RGS3: variants seen among roughly 807,000 people sequenced by gnomAD.
RGS3 encodes the protein regulator of G protein signaling 3.
RGS3 carries 80 observed loss-of-function variants against 132.6 expected under a neutral mutation model. The ratio of observed to expected loss-of-function variants is 0.60; its 90% CI spans 0.50 to 0.73. The LOEUF (loss-of-function observed/expected upper bound fraction) is 0.73, where lower values mean the gene tolerates loss of function less well. Among genes scored for constraint, RGS3 ranks in the 30% least tolerant of loss-of-function variants. The pLI is 0.00. For missense variants in RGS3, 1,382 were observed against 1,530.8 expected (o/e 0.90, Z 1.62); for synonymous variants, 598 against 620.6 (o/e 0.96, Z 0.54).
intron 19 of RGS3, among the ~76,000 whole-genome samples, chr9:113,549,264 T>A (rs1478069009): frequency 1.3e-5 from 2 of 152,242 alleles, no homozygotes; most frequent in African/African-American, 2.4e-5. Context: ...ACAAGAACGC[T>A]GATTTCACTG....
chr9:113,567,819 C>T lies in RGS3; in HGVS notation c.2038-15631C>T, dbSNP rs78078847. ...GGGATTGGAGCTCAGCTCCCTGGAC[C>T]CTCTTGGGATGGTGCCAACCAGAGT... On this transcript the variant is annotated intron_variant, in intron 19 of 24. Coordinates refer to ENST00000350696, the Ensembl canonical transcript of RGS3. 4.8e-4 allele frequency among the ~76,000 whole-genome samples: 73 copies of T among 152,320 alleles called. 2 individuals are homozygous for T. In the East Asian group the frequency reaches 0.013, roughly 27 times the overall value.
chr9:113,564,866 G>A, intron 19 of RGS3: 1 of 947,398 alleles, frequency 1.1e-6, no homozygotes, highest in Non-Finnish European at 1.3e-6. Context: ...AGGAGCCTGG[G>A]TTCAGTTGCA....
intron 19 of RGS3, among the ~76,000 whole-genome samples, chr9:113,558,435 G>A (rs957493846): frequency 3.3e-5 from 5 of 152,108 alleles, no homozygotes; most frequent in African/African-American, 9.7e-5. Context: ...CCTGGGAGGC[G>A]GAGGTTGCAA....
chr9:113,501,734 T>C (rs6478016), intron 10 of RGS3: 112,461 of 1,218,210 alleles, frequency 0.092, 6,169 homozygotes, highest in African/African-American at 0.19. Flanking sequence ...TCTTTGACCT[T>C]TCCTGCTCCC....
chr9:113,568,459 TA>T, intron 19 of RGS3, among the ~76,000 whole-genome samples: 1 of 152,250 alleles, frequency 6.6e-6, no homozygotes, highest in East Asian at 1.9e-4. Flanking sequence ...TTGTAGCAAC[TA>T]GGGACTGGAC....
intron 19 of RGS3, among the ~76,000 whole-genome samples, chr9:113,539,736 A>T (rs1360775709): frequency 1.3e-5 from 2 of 152,224 alleles, no homozygotes; most frequent in African/African-American, 4.8e-5. Flanking sequence ...GCTGACACCC[A>T]GATGTGGGGG....
At chr9:113,523,399 C>T (rs574494120) in intron 17 of RGS3, among the ~76,000 whole-genome samples, 14 of 152,078 alleles carry the variant, frequency 9.2e-5, no homozygotes, top group Non-Finnish European at 1.3e-4. Flanking sequence ...TGTTTCCTCC[C>T]GTGTAAATAG....
intron 18 of RGS3, among the ~76,000 whole-genome samples, chr9:113,532,856 C>G (rs1275643996): frequency 6.6e-6 from 1 of 152,138 alleles, no homozygotes; most frequent in Non-Finnish European, 1.5e-5. Flanking sequence ...GAGCAGTGGA[C>G]AGTTATACAA....
Position 113,453,182 on chromosome 9 carries a change from C to T in RGS3, c.-12-7063C>T, listed in dbSNP as rs1278039316. Among the ~76,000 whole-genome samples the T allele has an allele frequency of 2.4e-5, 3 of 122,760 alleles. 1 individual carries two copies. The highest frequency in any genetic ancestry group is 4.8e-5 in the Non-Finnish European group (3 of 62,298). 80.5% of individuals were successfully genotyped at this position (122,760 alleles called of 152,430 possible). A position where few individuals can be genotyped will look rare whatever the true frequency, so the allele number is the denominator to read the frequency against. ...TACTCATATGATTATATAATATACT[C>T]ATTATATGATTACATAATATACTCA... On this transcript the variant is annotated intron_variant, in intron 1 of 25. Transcript: ENST00000374140.
chr9:113,542,439 C>T (rs781230214), intron 19 of RGS3, among the ~76,000 whole-genome samples: 1 of 152,122 alleles, frequency 6.6e-6, no homozygotes, highest in African/African-American at 2.4e-5. Flanking sequence ...AGGAGGGGCC[C>T]AAGTGGGTGT....
intron 19 of RGS3, among the ~76,000 whole-genome samples, chr9:113,570,781 C>T (rs1027241610): frequency 4.6e-5 from 7 of 152,126 alleles, no homozygotes; most frequent in South Asian, 2.1e-4. Flanking sequence ...GGATTACCGG[C>T]GCGTGCCACC....
rs982664368 is a variant in RGS3, at chr9:113,460,521, C to CA, written c.80+198dup. ...GAGTGACAGAGTGAGACTCCGTCTC[C>CA]AAAAAAAAAAAAATTTTTTTTTCTT... On this transcript the variant is annotated intron_variant, in intron 1 of 24. Coordinates refer to ENST00000350696, the Ensembl canonical transcript of RGS3. Among the ~76,000 whole-genome samples the CA allele has an allele frequency of 1.4e-3, 202 of 139,920 alleles. 1 individual carries two copies. The highest frequency in any genetic ancestry group is 3.7e-3 in the African/African-American group (142 of 38,204). The allele number at this position is 139,920 out of a possible 152,430, so 91.8% of individuals were successfully genotyped here. A position where few individuals can be genotyped will look rare whatever the true frequency, so the allele number is the denominator to read the frequency against.
chr9:113,542,023 C>T (rs1832925719), intron 19 of RGS3: 2 of 189,264 alleles, frequency 1.1e-5, no homozygotes, highest in Non-Finnish European at 2.0e-5. Context: ...AACACACACA[C>T]GTGCACACAC....
At chr9:113,514,538 A>G in exon 15 of RGS3, 2 of 1,614,188 alleles carry the variant, frequency 1.2e-6, no homozygotes, top group Non-Finnish European at 1.7e-6. Flanking sequence ...GCAGACCATG[A>G]AGGGCCACGG....
At chr9:113,563,907 C>A (rs760634814) in intron 19 of RGS3, among the ~76,000 whole-genome samples, 2 of 152,070 alleles carry the variant, frequency 1.3e-5, no homozygotes. Flanking sequence ...ACAGAGACAC[C>A]GTGCTTCAGC....
intron 10 of RGS3, among the ~76,000 whole-genome samples, chr9:113,504,285 C>T (rs758053682): frequency 6.6e-6 from 1 of 152,200 alleles, no homozygotes; most frequent in Non-Finnish European, 1.5e-5. Context: ...TGTCTCAACT[C>T]ACTTGGGACA....
intron 14 of RGS3, among the ~76,000 whole-genome samples, chr9:113,512,103 C>T (rs1275410051): frequency 6.6e-6 from 1 of 152,202 alleles, no homozygotes; most frequent in Non-Finnish European, 1.5e-5. Context: ...ATTATCTCCA[C>T]TTCAAAGTGG....
rs576678235 is a variant in RGS3 at position 113,466,275 on chromosome 9, C to A, written c.415+4074C>A. Among the ~76,000 whole-genome samples, 29 of 152,294 alleles carry A rather than the reference C, an allele frequency of 1.9e-4. 1 individual carries two copies. In the South Asian group the frequency reaches 5.8e-3, roughly 30 times the overall value. On this transcript the variant is annotated intron_variant, in intron 3 of 24. Transcript: ENST00000350696. ...GCCTTTCCTTAGCAAAGTAGGTAGC[C>A]CCTGGCCTTCTACTGTGAGCTTTGC...
chr9:113,500,862 A>G (rs1289846901), intron 10 of RGS3, among the ~76,000 whole-genome samples: 4 of 151,618 alleles, frequency 2.6e-5, no homozygotes, highest in East Asian at 3.9e-4. Context: ...TAATTTTTGT[A>G]TTTTTTAAGT....
Sources: gnomAD v4.1 joint callset for allele counts (sites outside exome capture counted in the v4.1 genomes callset) on GRCh38, gnomAD v4.1.1 for gene constraint, MANE v1.5 for transcripts, NCBI Gene and HGNC (gene_info 2026-07-23, HGNC 2026-07-21) for gene names.